Variants in CSMD1 observed in about 807,000 individuals in gnomAD.
CSMD1 encodes the protein CUB and Sushi multiple domains 1.
A neutral mutation model predicts 417.5 loss-of-function variants in CSMD1; 213 were observed. The observed-to-expected ratio is 0.51, with a 90% CI of 0.46 to 0.57. The LOEUF (loss-of-function observed/expected upper bound fraction) is 0.57. Among genes scored for constraint, CSMD1 ranks in the 20% least tolerant of loss-of-function variants. CSMD1 has a pLI of 0.00. For missense variants in CSMD1, 6,923 were observed against 4,529.7 expected, an observed-to-expected ratio of 1.53 and a Z score of -15.17; for synonymous variants, 2,862 against 1,736.8, an observed-to-expected ratio of 1.65 and a Z score of -16.11.
intron 3 of CSMD1, among the ~76,000 whole-genome samples, chr8:4,123,875 G>A (rs1456926616): frequency 1.3e-5 from 2 of 152,132 alleles, no homozygotes; most frequent in African/African-American, 2.4e-5. Flanking sequence ...ACACATTCCA[G>A]GGTTGTATGT....
In CSMD1 at chr8:4,894,066, T is replaced by C. The variant is rs565117129; in HGVS notation, c.85+100266A>G. Among the ~76,000 whole-genome samples the C allele has an allele frequency of 2.6e-5, 4 of 152,246 alleles. No homozygotes were observed. The South Asian group carries it at 6.2e-4, about 24-fold the overall frequency. ...GTTTAAGTTGTATTTTCCTAGAGAA[T>C]AATGAATTTTAACTAGCTTACCAAA... On this transcript the variant is annotated intron_variant, in intron 1 of 69. Coordinates refer to ENST00000635120, the MANE Select transcript of CSMD1 (RefSeq NM_033225.6).
intron 5 of CSMD1, among the ~76,000 whole-genome samples, chr8:3,816,170 T>A (rs1395431603): frequency 1.3e-5 from 2 of 152,098 alleles, no homozygotes; most frequent in African/African-American, 4.8e-5. Flanking sequence ...ATAAAAACCT[T>A]CCCTCTGTGC....
chr8:4,093,965 AATAGATAGATAG>A (rs201105711), intron 3 of CSMD1, among the ~76,000 whole-genome samples: 146 of 136,954 alleles, frequency 1.1e-3, no homozygotes, highest in South Asian at 3.0e-3. Flanking sequence ...CTACATCTCA[AATAGATAGATAG>A]ATAGATAGAT....
At chr8:4,597,890 G>A (rs1009937351) in intron 2 of CSMD1, among the ~76,000 whole-genome samples, 1 of 152,094 alleles carries the variant, frequency 6.6e-6, no homozygotes, top group African/African-American at 2.4e-5. Flanking sequence ...AATTAGGTAA[G>A]ATTTGGAGAA....
At chr8:3,849,665 C>T (rs923139536) in intron 5 of CSMD1, among the ~76,000 whole-genome samples, 3 of 151,922 alleles carry the variant, frequency 2.0e-5, no homozygotes, top group African/African-American at 7.3e-5. Context: ...AGGGAGGGGT[C>T]GATTTTAGTG....
chr8:4,086,774 A>G (rs1004780423), intron 3 of CSMD1, among the ~76,000 whole-genome samples: 3 of 152,182 alleles, frequency 2.0e-5, no homozygotes, highest in Non-Finnish European at 2.9e-5. Context: ...ATCTTTTTCA[A>G]CTGAGTGAAT....
intron 1 of CSMD1, among the ~76,000 whole-genome samples, chr8:4,647,523 G>C (rs1054196006): frequency 1.3e-5 from 2 of 152,024 alleles, no homozygotes; most frequent in Non-Finnish European, 2.9e-5. Flanking sequence ...TGCCATGGTT[G>C]TTTGCTGCAC....
At chr8:3,803,656 G>C (rs1397353117) in intron 5 of CSMD1, among the ~76,000 whole-genome samples, 1 of 152,158 alleles carries the variant, frequency 6.6e-6, no homozygotes, top group South Asian at 2.1e-4. Flanking sequence ...AGGGTTCATA[G>C]AGGCCAGAGT....
intron 3 of CSMD1, among the ~76,000 whole-genome samples, chr8:4,383,450 A>T (rs1386728505): frequency 5.9e-5 from 9 of 152,328 alleles, no homozygotes; most frequent in Middle Eastern, 3.4e-3. Flanking sequence ...TGAATTTCAC[A>T]GTAGTTCCTA....
At chr8:3,386,912 G>A (rs772234902) in intron 18 of CSMD1, among the ~76,000 whole-genome samples, 6 of 152,130 alleles carry the variant, frequency 3.9e-5, no homozygotes, top group Non-Finnish European at 8.8e-5. Flanking sequence ...GTATAACGTT[G>A]AGCAATACAA....
At chr8:4,794,372 T>C (rs1797859658) in intron 1 of CSMD1, among the ~76,000 whole-genome samples, 1 of 152,230 alleles carries the variant, frequency 6.6e-6, no homozygotes, top group African/African-American at 2.4e-5. Flanking sequence ...GGATTTCTTT[T>C]CTAACATCCC....
chr8:4,367,179 G>C (rs1025130631), intron 3 of CSMD1, among the ~76,000 whole-genome samples: 2 of 152,250 alleles, frequency 1.3e-5, no homozygotes, highest in Admixed American at 6.5e-5. Context: ...TTGTGTTAGA[G>C]CTTGCATTGA....
chr8:4,799,057 G>C (rs1798136518), intron 1 of CSMD1, among the ~76,000 whole-genome samples: 1 of 152,188 alleles, frequency 6.6e-6, no homozygotes, highest in African/African-American at 2.4e-5. Context: ...GGTGAGGACA[G>C]AGGTCAGGGC....
intron 12 of CSMD1, among the ~76,000 whole-genome samples, chr8:3,465,448 T>A (rs1224198260): frequency 6.6e-6 from 1 of 152,012 alleles, no homozygotes; most frequent in Admixed American, 6.5e-5. Flanking sequence ...GGACCCAAGG[T>A]CCTCCTGGTC....
chr8:3,463,959 T>A (rs1217006610), intron 12 of CSMD1, among the ~76,000 whole-genome samples: 1 of 152,188 alleles, frequency 6.6e-6, no homozygotes, highest in East Asian at 1.9e-4. Flanking sequence ...TTATTATCAC[T>A]GTATTCATCG....
chr8:4,952,903 C>T (rs1032746702), intron 1 of CSMD1, among the ~76,000 whole-genome samples: 48 of 152,186 alleles, frequency 3.2e-4, no homozygotes, highest in African/African-American at 1.1e-3. Context: ...TGAATGAAAT[C>T]TATACTGAAC....
intron 5 of CSMD1, among the ~76,000 whole-genome samples, chr8:3,929,599 C>A (rs1449066670): frequency 2.0e-5 from 3 of 150,416 alleles, no homozygotes; most frequent in African/African-American, 7.4e-5. Flanking sequence ...ATAAATGTGG[C>A]TGCATTATTT....
At chr8:3,594,754 G>A (rs903043400) in intron 8 of CSMD1, among the ~76,000 whole-genome samples, 1 of 152,132 alleles carries the variant, frequency 6.6e-6, no homozygotes, top group African/African-American at 2.4e-5. Flanking sequence ...AAGTATGGAA[G>A]AGTGGGAGGC....
chr8:4,355,788 G>T (rs1163362807), intron 3 of CSMD1, among the ~76,000 whole-genome samples: 1 of 152,128 alleles, frequency 6.6e-6, no homozygotes, highest in Non-Finnish European at 1.5e-5. Flanking sequence ...GGTAACATGT[G>T]CTACTAACCT....
Sources: gnomAD v4.1 joint callset for allele counts (sites outside exome capture counted in the v4.1 genomes callset) on GRCh38, gnomAD v4.1.1 for gene constraint, MANE v1.5 for transcripts, NCBI Gene and HGNC (gene_info 2026-07-23, HGNC 2026-07-21) for gene names.